The following TBC1D9 variants were observed in gnomAD, a reference collection of about 807,000 sequenced individuals.
TBC1D9 encodes TBC1 domain family member 9A.
A neutral mutation model predicts 132.0 loss-of-function variants in TBC1D9; 63 were observed. The observed-to-expected ratio is 0.48, with a 90% confidence interval of 0.39 to 0.59. The LOEUF (loss-of-function observed/expected upper bound fraction) is 0.59, where lower values mean the gene tolerates loss of function less well. Among genes scored for constraint, TBC1D9 ranks in the 20% least tolerant of loss-of-function variants. TBC1D9 has a pLI of 0.00. For synonymous variants in TBC1D9, 610 were observed against 609.9 expected, an observed-to-expected ratio of 1.00 and a Z score of 0.00; for missense variants, 1,261 against 1,592.7, an observed-to-expected ratio of 0.79 and a Z score of 3.54.
chr4:140,718,457 C>G (rs553053321), intron 1 of TBC1D9, among the ~76,000 whole-genome samples: 35 of 152,212 alleles, frequency 2.3e-4, no homozygotes, highest in Admixed American at 2.1e-3. Flanking sequence ...ATATAATCCT[C>G]CATGTAATAA....
intron 13 of TBC1D9, chr4:140,643,884 G>A (rs1737054178): frequency 7.0e-6 from 5 of 718,382 alleles, no homozygotes; most frequent in Middle Eastern, 2.8e-4. Context: ...TTCCATGGCG[G>A]GCAGTGGCAG....
intron 1 of TBC1D9, among the ~76,000 whole-genome samples, chr4:140,709,847 G>T (rs1034504586): frequency 6.6e-6 from 1 of 152,116 alleles, no homozygotes; most frequent in Non-Finnish European, 1.5e-5. Flanking sequence ...TAGGGTTCTC[G>T]TGCCTGTAAG....
intron 1 of TBC1D9, among the ~76,000 whole-genome samples, chr4:140,748,746 G>A (rs55914180): frequency 2.6e-5 from 4 of 152,236 alleles, no homozygotes; most frequent in Non-Finnish European, 5.9e-5. Context: ...GACATTTGGA[G>A]ACAAACAAAA....
chr4:140,686,278 T>C (rs1737778072), intron 3 of TBC1D9, 66 bp downstream of exon 3: 1 of 1,079,260 alleles, frequency 9.3e-7, no homozygotes, highest in African/African-American at 1.6e-5. Context: ...TCAATTCTTA[T>C]TTTTACAACA....
chr4:140,720,019 C>T lies in TBC1D9; in HGVS notation c.131-18405G>A, dbSNP rs192417396. 1.4e-3 allele frequency among the ~76,000 whole-genome samples: 212 copies of T among 152,318 alleles called. 1 individual carries two copies. Among genetic ancestry groups the T allele is most frequent in the Admixed American group, 3.7e-3 (57 of 15,296 alleles). Reference sequence around the variant, plus strand: ...ACCCACTTAATGAAGATAATAGTATCTTCCTGAGAGGTTGTAATGAGGATT... The same window carrying T: ...ACCCACTTAATGAAGATAATAGTATTTTCCTGAGAGGTTGTAATGAGGATT... On this transcript the variant is annotated intron_variant, in intron 1 of 20. Transcript: ENST00000442267.
At chr4:140,691,329 C>A (rs1490148922) in intron 2 of TBC1D9, among the ~76,000 whole-genome samples, 1 of 152,178 alleles carries the variant, frequency 6.6e-6, no homozygotes, top group African/African-American at 2.4e-5. Context: ...GTTTGAATCC[C>A]AAATGTTCCT....
chr4:140,642,209 G>A (rs1737011960), intron 13 of TBC1D9: 3 of 741,136 alleles, frequency 4.0e-6, no homozygotes, highest in Admixed American at 4.0e-5. Context: ...CCTTGGGCGG[G>A]CCACTCTCCT....
intron 13 of TBC1D9, among the ~76,000 whole-genome samples, chr4:140,652,803 A>G (rs1483782854): frequency 6.6e-6 from 1 of 152,140 alleles, no homozygotes; most frequent in Non-Finnish European, 1.5e-5. Flanking sequence ...GAGACACATT[A>G]CTCTAAGCTT....
chr4:140,640,960 C>T (rs894431802), intron 13 of TBC1D9, among the ~76,000 whole-genome samples: 5 of 151,140 alleles, frequency 3.3e-5, no homozygotes, highest in African/African-American at 1.2e-4. Flanking sequence ...ACACTATTAA[C>T]CAAAAGTCAG....
chr4:140,661,717 A>G (rs983851350), intron 10 of TBC1D9, among the ~76,000 whole-genome samples, 176 bp downstream of exon 10: 6 of 152,234 alleles, frequency 3.9e-5, no homozygotes, highest in African/African-American at 1.4e-4. Context: ...TCTACAAAGC[A>G]TAGAACAGCC....
In TBC1D9 at chr4:140,621,356, C is replaced by A. The variant is rs947083631; in HGVS notation, c.*839G>T. 2 of 152,332 alleles carry A rather than the reference C, an allele frequency of 1.3e-5. No homozygotes were observed. Among genetic ancestry groups the A allele is most frequent in the Non-Finnish European group, 2.9e-5 (2 of 68,022 alleles). The allele number at this position is 152,332 out of a possible 1,614,324, so 9.4% of individuals were successfully genotyped here. A position where few individuals can be genotyped will look rare whatever the true frequency, so the allele number is the denominator to read the frequency against. On this transcript the variant is annotated 3_prime_UTR_variant, in exon 21 of 21. Transcript: ENST00000442267. ...ACATCCAGTATCAGAAGCATCAGTA[C>A]TTTTACTCTTTCAAAAACAAAAGCA...
chr4:140,747,695 A>G (rs1738859596), intron 1 of TBC1D9, among the ~76,000 whole-genome samples: 1 of 152,174 alleles, frequency 6.6e-6, no homozygotes, highest in South Asian at 2.1e-4. Context: ...GCTGCTGAGT[A>G]AGCTGAGAGT....
At position 140,686,335 on chromosome 4, in the gene TBC1D9, T is replaced by C; in HGVS notation, c.360+9A>G. ...TTCCAATTAAAATGTTTTTCTTTTA[T>C]CCCACTACCTGTATTTTTCCTCTCA... is the stretch of plus-strand genomic sequence containing the variant. On this transcript the variant is annotated intron_variant, in intron 3 of 20. Coordinates refer to ENST00000442267, the MANE Select transcript of TBC1D9 (RefSeq NM_015130.3). 8.0e-6 allele frequency: 11 copies of C among 1,378,544 alleles called. No individual in the cohort carries two copies. The highest frequency in any genetic ancestry group is 1.1e-5 in the Non-Finnish European group (11 of 983,938). The allele number at this position is 1,378,544 out of a possible 1,614,324, so 85.4% of individuals were successfully genotyped here.
rs757347232 is a variant in TBC1D9 at position 140,679,138 on chromosome 4, C to G, written c.655G>C (p.Asp219His). 5 of 1,613,864 alleles carry G rather than the reference C, an allele frequency of 3.1e-6. No individual in the cohort carries two copies. In the South Asian group the frequency reaches 5.5e-5, roughly 18 times the overall value. Reference sequence around the variant, plus strand: ...GACCGTGTGCTCACTTTGATCACATCAGGCAGAAGCAGGGTGGCATTCTTC... The same window carrying G: ...GACCGTGTGCTCACTTTGATCACATGAGGCAGAAGCAGGGTGGCATTCTTC... ...LEKNATLLLP[D>H]VIKVSTRSSE... Residue 219 changes from aspartate (D) to histidine (H), a missense_variant, in exon 5 of 21, where the codon GAT becomes CAT. Physicochemically the swap from Asp to His is moderately conservative, Grantham distance 81. This residue lies in a region of TBC1D9 where 550 missense variants were observed against 699.0 expected (regional missense o/e 0.79). Coordinates refer to ENST00000442267, the MANE Select transcript of TBC1D9 (RefSeq NM_015130.3).
At chr4:140,710,526 C>T (rs1256177322) in intron 1 of TBC1D9, among the ~76,000 whole-genome samples, 1 of 152,132 alleles carries the variant, frequency 6.6e-6, no homozygotes, top group African/African-American at 2.4e-5. Context: ...TGGGTTATGA[C>T]TAAACAAACA....
At chr4:140,658,789 C>A (rs530084548) in intron 11 of TBC1D9, among the ~76,000 whole-genome samples, 1 of 150,196 alleles carries the variant, frequency 6.7e-6, no homozygotes, top group African/African-American at 2.5e-5. Context: ...CCAACCTGGG[C>A]GACAGAGCGA....
intron 1 of TBC1D9, among the ~76,000 whole-genome samples, chr4:140,729,892 TTG>T (rs983979532): frequency 3.7e-4 from 57 of 152,148 alleles, no homozygotes; most frequent in Middle Eastern, 3.4e-3. Flanking sequence ...CAACTATTTT[TTG>T]TCTTTTTTTC....
chr4:140,756,164 G>A lies in TBC1D9; in HGVS notation c.-119C>T. 5 of 626,260 alleles carry A rather than the reference G, an allele frequency of 8.0e-6. No individual in the cohort carries two copies. Among genetic ancestry groups the A allele is most frequent in the Non-Finnish European group, 1.1e-5 (5 of 440,490 alleles). 38.8% of individuals were successfully genotyped at this position (626,260 alleles called of 1,614,324 possible). ...GCCCGCCCGCCCGTCCGCTAGGTGC[G>A]GCGGCGGCGGCGGCAGGCGACTTCA... On this transcript the variant is annotated 5_prime_UTR_variant, in exon 1 of 21. Coordinates refer to ENST00000442267, the MANE Select transcript of TBC1D9 (RefSeq NM_015130.3). This position sits in a 1 kb window ranked among gnomAD's most constrained non-coding sequence, Gnocchi z 5.6.
In TBC1D9 at chr4:140,657,564, A is replaced by G; in HGVS notation, c.2170T>C (p.Cys724Arg). ...LDANVDKLLN[C>R]KDDGEAMTVL... ...GTCATGGCCTCCCCATCATCCTTGC[A>G]GTTCAACAGTTTGTCCACATTTGCA... The change falls in exon 12 of 21, where the codon TGC (cysteine) becomes CGC (arginine). Residue 724 changes from cysteine (C) to arginine (R), a missense_variant. By Grantham distance (180) the Cys-to-Arg change is radical. Around this residue, in one of 3 missense-constraint regions of TBC1D9, gnomAD observed 618 missense variants for 724.4 expected, o/e 0.85. Coordinates refer to ENST00000442267, the MANE Select transcript of TBC1D9 (RefSeq NM_015130.3). The G allele has an allele frequency of 6.2e-7, 1 of 1,613,990 alleles. No individual in the cohort carries two copies. Among genetic ancestry groups the G allele is most frequent in the Non-Finnish European group, 8.5e-7 (1 of 1,179,874 alleles).
Sources: allele counts gnomAD v4.1 joint callset (sites outside exome capture counted in the v4.1 genomes callset), GRCh38; gene constraint gnomAD v4.1.1; regional missense constraint gnomAD v4.1.1; non-coding constraint Gnocchi (gnomAD v3.1); transcripts MANE v1.5; gene names NCBI Gene and HGNC (gene_info 2026-07-23, HGNC 2026-07-21).